MTOR: variants seen among roughly 807,000 people sequenced by gnomAD.
MTOR encodes the protein mechanistic target of rapamycin kinase.
In MTOR, 70 loss-of-function variants were observed where a neutral mutation model predicts 319.8. That is an observed-to-expected ratio of 0.22 (90% confidence interval 0.18 to 0.27). The LOEUF (loss-of-function observed/expected upper bound fraction) is 0.27, where lower values mean the gene tolerates loss of function less well. Among genes scored for constraint, MTOR ranks in the 10% least tolerant of loss-of-function variants. MTOR has a pLI of 1.00. For synonymous variants in MTOR, 1,183 were observed against 1,211.4 expected (o/e 0.98, Z 0.49); for missense variants, 1,890 against 3,274.4 (o/e 0.58, Z 10.32).
At chr1:11,168,781 C>T (rs1412214518) in intron 28 of MTOR, among the ~76,000 whole-genome samples, 2 of 152,186 alleles carry the variant, frequency 1.3e-5, no homozygotes, top group East Asian at 1.9e-4. Context: ...TGCTAGGAGG[C>T]CTTGAAAACA....
intron 26 of MTOR, among the ~76,000 whole-genome samples, chr1:11,201,635 G>A (rs1426664630): frequency 6.6e-6 from 1 of 152,000 alleles, no homozygotes; most frequent in Admixed American, 6.6e-5. Flanking sequence ...AAATAAAGAA[G>A]AGAATAAAAA....
chr1:11,140,226 GTGAGTGAAATACCCT>G (rs1643627211), intron 34 of MTOR, among the ~76,000 whole-genome samples: 2 of 150,200 alleles, frequency 1.3e-5, no homozygotes, highest in Non-Finnish European at 1.5e-5. Context: ...TAAGGGTACT[GTGAGTGAAATACCCT>G]TAGGCAGCAG....
rs370389671 is a variant in MTOR, at chr1:11,194,888, C to A, written c.4253+4370G>T. ...GGTACAACTGCTGCACAGACTCCAA[C>A]CTCAATGGAGTGTACTACCGCCTGG... is the stretch of plus-strand genomic sequence containing the variant. On this transcript the variant is annotated intron_variant, in intron 28 of 57. Transcript: ENST00000361445. 3.8e-5 allele frequency: 62 copies of A among 1,614,066 alleles called. No homozygotes were observed. The highest frequency in any genetic ancestry group is 8.3e-5 in the Admixed American group (5 of 59,996).
chr1:11,150,043 G>T, intron 31 of MTOR, 83 bp downstream of exon 31: 2 of 1,239,454 alleles, frequency 1.6e-6, no homozygotes, highest in South Asian at 1.2e-5. Flanking sequence ...TCTCCACCTA[G>T]AGCCAGCACC....
intron 29 of MTOR, 62 bp from the exon 30 acceptor site, chr1:11,157,353 TC>T: frequency 6.4e-7 from 1 of 1,556,228 alleles, no homozygotes; most frequent in Non-Finnish European, 8.7e-7. Context: ...CATTGTTTAA[TC>T]CACATACTCT....
intron 23 of MTOR, among the ~76,000 whole-genome samples, chr1:11,211,810 C>T (rs559109905): frequency 6.6e-6 from 1 of 152,306 alleles, no homozygotes; most frequent in South Asian, 2.1e-4. Context: ...ACAAGCACTT[C>T]CCCATTGCTT....
At chr1:11,211,651 G>A (rs1416347241) in intron 23 of MTOR, among the ~76,000 whole-genome samples, 1 of 152,172 alleles carries the variant, frequency 6.6e-6, no homozygotes, top group Admixed American at 6.5e-5. Context: ...ACGGGTGTGA[G>A]TCACTGTGCC....
At chr1:11,193,910 A>G in intron 28 of MTOR, 1 of 1,017,248 alleles carries the variant, frequency 9.8e-7, no homozygotes. Flanking sequence ...TGCAAGTTGT[A>G]ATGGAGTTGA....
chr1:11,240,438 G>T lies in MTOR; in HGVS notation c.1651C>A (p.Pro551Thr). 1 of 1,614,268 alleles carries T rather than the reference G, an allele frequency of 6.2e-7. No homozygotes were observed. Among genetic ancestry groups the T allele is most frequent in the Non-Finnish European group, 8.5e-7 (1 of 1,180,050 alleles). The change falls in exon 11 of 58, where the codon CCC (proline) becomes ACC (threonine). Residue 551 changes from proline (P) to threonine (T), a missense_variant. Around this residue, in one of 15 missense-constraint regions of MTOR, gnomAD observed 418 missense variants for 543.1 expected, o/e 0.77. Coordinates refer to ENST00000361445, the MANE Select transcript of MTOR (RefSeq NM_004958.4). ...KMLSLVLMHK[P>T]LRHPGMPKGL... Reference sequence around the variant, plus strand: ...TTGGGCATGCCTGGGTGGCGAAGGGGTTTGTGCATAAGGACCAGGGACAGC... The same window carrying T: ...TTGGGCATGCCTGGGTGGCGAAGGGTTTTGTGCATAAGGACCAGGGACAGC...
At chr1:11,182,204 C>T (rs1268229779) in intron 28 of MTOR, among the ~76,000 whole-genome samples, 2 of 146,750 alleles carry the variant, frequency 1.4e-5, no homozygotes, top group Non-Finnish European at 3.0e-5. Context: ...GCAATAAGAG[C>T]GAAACTCCAT....
At chr1:11,177,992 C>CA (rs5772443) in intron 28 of MTOR, among the ~76,000 whole-genome samples, 150,572 of 152,322 alleles carry the variant, frequency 0.99, 74,458 homozygotes, top group East Asian at 1. Context: ...TGCCTTTTCA[C>CA]TAACACAGGT....
chr1:11,163,179 G>A (rs1033298535), intron 29 of MTOR, among the ~76,000 whole-genome samples: 19 of 152,122 alleles, frequency 1.2e-4, no homozygotes, highest in South Asian at 1.0e-3. Flanking sequence ...AAGATCAAAA[G>A]AGACAAAGAA....
At chr1:11,201,674 TA>T (rs2100754024) in intron 26 of MTOR, among the ~76,000 whole-genome samples, 1 of 152,358 alleles carries the variant, frequency 6.6e-6, no homozygotes, top group South Asian at 2.1e-4. Flanking sequence ...AAGCCTTCCC[TA>T]AAGATAACCA....
intron 6 of MTOR, among the ~76,000 whole-genome samples, chr1:11,249,377 C>CT (rs371714190): frequency 0.079 from 11,689 of 147,072 alleles, 653 homozygotes; most frequent in African/African-American, 0.15. Flanking sequence ...ACCAGTGAGT[C>CT]TTTTTTTTTT....
intron 29 of MTOR, among the ~76,000 whole-genome samples, chr1:11,165,063 ACTCTC>A (rs1287633136): frequency 6.6e-6 from 1 of 152,038 alleles, no homozygotes; most frequent in African/African-American, 2.4e-5. Context: ...CATGCTAAAA[ACTCTC>A]AATAAATTAG....
chr1:11,185,476 C>T (rs1645290206), intron 28 of MTOR, among the ~76,000 whole-genome samples: 1 of 151,590 alleles, frequency 6.6e-6, no homozygotes, highest in South Asian at 2.1e-4. Context: ...TGTGGTGGTG[C>T]ATACCTGCAG....
chr1:11,251,461 C>T (rs1166855399), intron 6 of MTOR, among the ~76,000 whole-genome samples: 2 of 152,102 alleles, frequency 1.3e-5, no homozygotes, highest in African/African-American at 4.8e-5. Context: ...GCTCTTATAA[C>T]CATATGATAT....
intron 28 of MTOR, among the ~76,000 whole-genome samples, chr1:11,167,961 T>C (rs964534757): frequency 6.6e-6 from 1 of 151,692 alleles, no homozygotes; most frequent in African/African-American, 2.4e-5. Context: ...TCCCAGCTAC[T>C]CAGGAGGCTG....
chr1:11,258,451 G>C (rs1341384925), intron 3 of MTOR, 34 bp downstream of exon 3: 1 of 1,425,822 alleles, frequency 7.0e-7, no homozygotes, highest in East Asian at 2.3e-5. Context: ...AAAGGTGAGT[G>C]TGTTGTTTTT....
Sources: gnomAD v4.1 joint callset for allele counts (sites outside exome capture counted in the v4.1 genomes callset) on GRCh38, gnomAD v4.1.1 for gene constraint, gnomAD v4.1.1 regional missense constraint, MANE v1.5 for transcripts, NCBI Gene and HGNC (gene_info 2026-07-23, HGNC 2026-07-21) for gene names.